Variants in GXYLT2 observed in about 807,000 individuals in gnomAD.
The protein encoded by GXYLT2 is glucoside xylosyltransferase 2, also known as glycosyltransferase 8 domain containing 4.
GXYLT2 carries 53 observed loss-of-function variants against 45.8 expected under a neutral mutation model. The observed-to-expected ratio is 1.16, with a 90% CI of 0.93 to 1.46. GXYLT2 has a LOEUF of 1.46. GXYLT2 is among the 40% of genes most tolerant of loss of function. The pLI, the probability that GXYLT2 is intolerant of heterozygous loss-of-function variation, is 0.00. For missense variants in GXYLT2, 551 were observed against 544.4 expected (o/e 1.01, Z -0.12); for synonymous variants, 219 against 214.2 (o/e 1.02, Z -0.19).
chr3:72,972,377 G>A (rs1378444480), intron 6 of GXYLT2, among the ~76,000 whole-genome samples: 1 of 38,280 alleles, frequency 2.6e-5, no homozygotes, highest in Non-Finnish European at 3.9e-5. Context: ...TGGGCGCAGT[G>A]GGTCACACCT....
intron 2 of GXYLT2, among the ~76,000 whole-genome samples, chr3:72,910,609 C>T (rs570476943): frequency 1.3e-5 from 2 of 152,324 alleles, no homozygotes; most frequent in South Asian, 4.1e-4. Flanking sequence ...AGCCTCCATT[C>T]TGTACAGCCT....
chr3:72,960,545 G>A (rs577333771), intron 5 of GXYLT2, among the ~76,000 whole-genome samples: 6 of 152,212 alleles, frequency 3.9e-5, no homozygotes, highest in Non-Finnish European at 8.8e-5. Context: ...TCGTGACGTT[G>A]TTCTAAATCC....
At position 72,922,345 on chromosome 3, in the gene GXYLT2, C is replaced by G; in HGVS notation, c.600+10C>G. 6.2e-7 allele frequency: 1 copy of G among 1,609,210 alleles called. No individual in the cohort carries two copies. Among genetic ancestry groups the G allele is most frequent in the Non-Finnish European group, 8.5e-7 (1 of 1,178,472 alleles). ...GAGACTCTTTCTTCCGGTAGGAACA[C>G]CTGTTTTTAATAAGTTGTAGCTTGC... On this transcript the variant is annotated intron_variant, in intron 3 of 6. Transcript: ENST00000389617.
At chr3:72,974,879 G>A (rs1441543256) in intron 6 of GXYLT2, 98 bp from the exon 7 acceptor site, 7 of 901,526 alleles carry the variant, frequency 7.8e-6, no homozygotes, top group Non-Finnish European at 8.6e-6. Context: ...TGTGCCTGTG[G>A]GCTTATCGTA....
At chr3:72,904,113 C>T (rs994757751) in intron 1 of GXYLT2, among the ~76,000 whole-genome samples, 1 of 152,242 alleles carries the variant, frequency 6.6e-6, no homozygotes, top group African/African-American at 2.4e-5. Context: ...CAAATGTTCA[C>T]TCCAGTCCCC....
chr3:72,897,575 G>A (rs1198604592), intron 1 of GXYLT2, among the ~76,000 whole-genome samples: 1 of 152,162 alleles, frequency 6.6e-6, no homozygotes, highest in African/African-American at 2.4e-5. Flanking sequence ...ACTGAGAACA[G>A]AAAAAGAGTG....
intron 1 of GXYLT2, among the ~76,000 whole-genome samples, chr3:72,901,288 CA>C (rs35141445): frequency 0.35 from 33,686 of 96,374 alleles, 4,392 homozygotes; most frequent in Non-Finnish European, 0.41. Flanking sequence ...GACTCTGTCT[CA>C]AAAAAAAAAA....
At chr3:72,912,739 G>T (rs931173424) in intron 2 of GXYLT2, among the ~76,000 whole-genome samples, 4 of 152,108 alleles carry the variant, frequency 2.6e-5, no homozygotes, top group Non-Finnish European at 4.4e-5. Context: ...GATTCCAGCC[G>T]CCAGCCTTCA....
chr3:72,900,770 C>T (rs374965126), intron 1 of GXYLT2, among the ~76,000 whole-genome samples: 116 of 152,208 alleles, frequency 7.6e-4, no homozygotes, highest in African/African-American at 2.5e-3. Flanking sequence ...AAAATTTTTA[C>T]GACATCTATC....
At chr3:72,963,500 G>GT (rs1357255168) in intron 5 of GXYLT2, among the ~76,000 whole-genome samples, 12 of 85,788 alleles carry the variant, frequency 1.4e-4, no homozygotes, top group Admixed American at 1.2e-3. Context: ...GAGGTCCGGA[G>GT]TTTTTTGTTT....
At chr3:72,973,667 A>T (rs1235569533) in intron 6 of GXYLT2, among the ~76,000 whole-genome samples, 1 of 152,188 alleles carries the variant, frequency 6.6e-6, no homozygotes, top group Non-Finnish European at 1.5e-5. Context: ...TATTTGGGAT[A>T]TGCTGTTGAG....
At chr3:72,966,298 GT>G (rs10575256) in intron 5 of GXYLT2, among the ~76,000 whole-genome samples, 72,502 of 143,858 alleles carry the variant, frequency 0.5, 19,508 homozygotes, top group Non-Finnish European at 0.62. Flanking sequence ...GGTTTTTGCT[GT>G]TTTTTTTTTT....
At position 72,931,520 on chromosome 3, in the gene GXYLT2, C is replaced by T. The variant is rs567498919; in HGVS notation, c.600+9185C>T. On this transcript the variant is annotated intron_variant, in intron 3 of 6. Transcript: ENST00000389617. ...CTAGGATTACAGGCGTGAGCCACCG[C>T]GCCCGGCCTAAGTAACATACTTCTT... Among the ~76,000 whole-genome samples the T allele has an allele frequency of 7.9e-5, 12 of 152,200 alleles. 1 individual carries two copies. Among genetic ancestry groups the T allele is most frequent in the East Asian group, 3.9e-4 (2 of 5,162 alleles).
At chr3:72,957,954 C>A (rs553131005) in intron 5 of GXYLT2, among the ~76,000 whole-genome samples, 2 of 151,974 alleles carry the variant, frequency 1.3e-5, no homozygotes, top group Non-Finnish European at 2.9e-5. Flanking sequence ...TTTCCTCTTC[C>A]TTGTTAAAAC....
chr3:72,932,846 T>C (rs1710066618), intron 3 of GXYLT2, among the ~76,000 whole-genome samples: 1 of 152,160 alleles, frequency 6.6e-6, no homozygotes, highest in Non-Finnish European at 1.5e-5. Context: ...TTTGAGATAT[T>C]ATTATATAGA....
intron 3 of GXYLT2, among the ~76,000 whole-genome samples, chr3:72,949,494 T>C (rs1272360579): frequency 7.1e-6 from 1 of 141,446 alleles, no homozygotes; most frequent in Non-Finnish European, 1.5e-5. Flanking sequence ...CATTCTTTCT[T>C]TCTTTTTCTT....
intron 3 of GXYLT2, among the ~76,000 whole-genome samples, chr3:72,940,465 C>G (rs1055511173): frequency 1.3e-5 from 2 of 151,896 alleles, no homozygotes; most frequent in Admixed American, 1.3e-4. Flanking sequence ...TATGAAGACC[C>G]CATGGAACAG....
intron 3 of GXYLT2, among the ~76,000 whole-genome samples, chr3:72,951,559 C>T (rs866582696): frequency 2.6e-5 from 4 of 152,088 alleles, no homozygotes; most frequent in African/African-American, 7.2e-5. Flanking sequence ...TCTGAAGTCA[C>T]GAGGGTATTA....
rs546817329 is a variant in GXYLT2 at position 72,905,751 on chromosome 3, G to A, written c.276-2616G>A. Among the ~76,000 whole-genome samples the A allele has an allele frequency of 1.4e-3, 212 of 152,254 alleles. 5 individuals carry two copies. The South Asian group carries it at 0.043, about 31-fold the overall frequency. On this transcript the variant is annotated intron_variant, in intron 1 of 6. Coordinates refer to ENST00000389617, the MANE Select transcript of GXYLT2 (RefSeq NM_001080393.2). ...TCCAACTTACACTGCCCCCACCAGC[G>A]CCTGAGCTGTTCCCTGCCCCATATC... is the stretch of plus-strand genomic sequence containing the variant.
Sources: gnomAD v4.1 joint callset for allele counts (sites outside exome capture counted in the v4.1 genomes callset) on GRCh38, gnomAD v4.1.1 for gene constraint, MANE v1.5 for transcripts, NCBI Gene and HGNC (gene_info 2026-07-23, HGNC 2026-07-21) for gene names.